Variants in GRID2 observed in about 807,000 individuals in gnomAD.
The protein encoded by GRID2 is glutamate ionotropic receptor delta type subunit 2.
A neutral mutation model predicts 114.8 loss-of-function variants in GRID2; 33 were observed. The ratio of observed to expected loss-of-function variants is 0.29; its 90% CI spans 0.22 to 0.38. The LOEUF is 0.38. Among genes scored for constraint, GRID2 ranks in the 10% least tolerant of loss-of-function variants. The probability of loss-of-function intolerance (pLI) is 1.00; values close to 1 mark genes in which losing one functional copy is unlikely to be tolerated. For missense variants in GRID2, 1,184 were observed against 1,257.7 expected (o/e 0.94, Z 0.89); for synonymous variants, 505 against 449.9 (o/e 1.12, Z -1.55).
intron 10 of GRID2, among the ~76,000 whole-genome samples, chr4:93,454,990 T>C (rs1224764715): frequency 6.6e-6 from 1 of 152,132 alleles, no homozygotes; most frequent in African/African-American, 2.4e-5. Flanking sequence ...TTAAGAGTGC[T>C]ATCACTGAGA....
intron 1 of GRID2, among the ~76,000 whole-genome samples, chr4:92,448,268 G>A (rs1024338235): frequency 5.9e-5 from 9 of 151,786 alleles, no homozygotes; most frequent in East Asian, 1.9e-4. Flanking sequence ...TCTACCTCTC[G>A]GGTTCAAGTG....
intron 3 of GRID2, among the ~76,000 whole-genome samples, chr4:93,103,515 A>G (rs1417462442): frequency 6.6e-6 from 1 of 151,896 alleles, no homozygotes; most frequent in Non-Finnish European, 1.5e-5. Flanking sequence ...TTTAAACAAA[A>G]CCTCACATTA....
intron 2 of GRID2, among the ~76,000 whole-genome samples, chr4:92,954,670 T>G (rs1296629209): frequency 6.7e-6 from 1 of 149,280 alleles, no homozygotes; most frequent in Non-Finnish European, 1.5e-5. Flanking sequence ...ATTGTGCAGG[T>G]TAGTTACATA....
At chr4:93,769,756 A>G (rs1301138281) in intron 15 of GRID2, among the ~76,000 whole-genome samples, 1 of 152,186 alleles carries the variant, frequency 6.6e-6, no homozygotes, top group African/African-American at 2.4e-5. Context: ...TTTAAAGGCC[A>G]TGATTCCTTT....
At chr4:93,355,308 G>T (rs1761225925) in intron 8 of GRID2, among the ~76,000 whole-genome samples, 2 of 151,408 alleles carry the variant, frequency 1.3e-5, no homozygotes, top group Non-Finnish European at 3.0e-5. Flanking sequence ...TGGGATTGCT[G>T]TCATCTGACA....
chr4:93,375,566 A>G (rs1185960757), intron 8 of GRID2, among the ~76,000 whole-genome samples: 3 of 151,938 alleles, frequency 2.0e-5, no homozygotes, highest in Non-Finnish European at 4.4e-5. Context: ...TTCCCTCTGC[A>G]GTTTCCCCAG....
chr4:92,924,967 C>G (rs1023984378), intron 2 of GRID2, among the ~76,000 whole-genome samples: 4 of 152,040 alleles, frequency 2.6e-5, no homozygotes, highest in African/African-American at 7.2e-5. Context: ...ACCTGAGATC[C>G]ATCACTTAAA....
At chr4:92,981,682 T>C (rs1035178944) in intron 2 of GRID2, among the ~76,000 whole-genome samples, 3 of 151,970 alleles carry the variant, frequency 2.0e-5, no homozygotes, top group Non-Finnish European at 4.4e-5. Flanking sequence ...GTTGTATTTA[T>C]TATATAAATA....
intron 6 of GRID2, among the ~76,000 whole-genome samples, chr4:93,218,911 A>T (rs10428327): frequency 6.6e-6 from 1 of 152,270 alleles, no homozygotes; most frequent in Admixed American, 6.5e-5. Flanking sequence ...TTATAAAACC[A>T]TCAGATCTTG....
chr4:92,662,391 T>A (rs1732562950), intron 2 of GRID2, among the ~76,000 whole-genome samples: 1 of 151,004 alleles, frequency 6.6e-6, no homozygotes, highest in East Asian at 1.9e-4. Flanking sequence ...CTGAGCTATG[T>A]TATCTTGTAA....
At chr4:93,082,216 G>A (rs1729932204) in intron 2 of GRID2, among the ~76,000 whole-genome samples, 1 of 152,034 alleles carries the variant, frequency 6.6e-6, no homozygotes, top group African/African-American at 2.4e-5. Flanking sequence ...CTCTTCAGTG[G>A]GACTACCTCC....
chr4:93,492,245 T>A (rs1351412266), intron 12 of GRID2, among the ~76,000 whole-genome samples: 1 of 151,918 alleles, frequency 6.6e-6, no homozygotes, highest in Non-Finnish European at 1.5e-5. Context: ...AAAAGCCAGA[T>A]TTTGTGATGC....
chr4:92,785,040 T>C (rs1739252468), intron 2 of GRID2, among the ~76,000 whole-genome samples: 1 of 151,330 alleles, frequency 6.6e-6, no homozygotes. Flanking sequence ...AATTTTCCAC[T>C]TTAATTCCAA....
intron 13 of GRID2, among the ~76,000 whole-genome samples, chr4:93,608,876 G>A (rs1215423708): frequency 7.6e-6 from 1 of 132,382 alleles, no homozygotes; most frequent in Non-Finnish European, 1.7e-5. Context: ...AGATCCCTGA[G>A]GAATCGCCAC....
chr4:92,780,715 C>T (rs1226437229), intron 2 of GRID2, among the ~76,000 whole-genome samples: 1 of 152,018 alleles, frequency 6.6e-6, no homozygotes, highest in African/African-American at 2.4e-5. Flanking sequence ...GCCTGGTAAG[C>T]CCTCTCTTCA....
intron 14 of GRID2, among the ~76,000 whole-genome samples, chr4:93,730,529 G>A (rs2099700): frequency 0.053 from 8,003 of 152,250 alleles, 312 homozygotes; most frequent in Non-Finnish European, 0.079. Flanking sequence ...TAATCAACAG[G>A]CTGAACTGGA....
intron 1 of GRID2, among the ~76,000 whole-genome samples, chr4:92,524,427 T>TG (rs1724943543): frequency 7.2e-6 from 1 of 138,050 alleles, no homozygotes; most frequent in Non-Finnish European, 1.6e-5. Context: ...TTTTTTTTTT[T>TG]TTTGTTTACC....
chr4:92,759,244 A>C (rs886858869), intron 2 of GRID2, among the ~76,000 whole-genome samples: 1 of 152,204 alleles, frequency 6.6e-6, no homozygotes, highest in Non-Finnish European at 1.5e-5. Flanking sequence ...TCTCCAATAA[A>C]GTCTGGGTTT....
At chr4:93,108,624 A>ATTT (rs66780792) in intron 3 of GRID2, among the ~76,000 whole-genome samples, 2 of 142,738 alleles carry the variant, frequency 1.4e-5, no homozygotes, top group Non-Finnish European at 1.5e-5. Flanking sequence ...TCTGACATGT[A>ATTT]TTTTTTTTTT....
Sources: gnomAD v4.1 joint callset for allele counts (sites outside exome capture counted in the v4.1 genomes callset) on GRCh38, gnomAD v4.1.1 for gene constraint, MANE v1.5 for transcripts, NCBI Gene and HGNC (gene_info 2026-07-23, HGNC 2026-07-21) for gene names.